The following MYT1L variants were observed in gnomAD, a reference collection of about 807,000 sequenced individuals.
MYT1L encodes the protein myelin transcription factor 1 like.
Under a neutral mutation model 126.7 loss-of-function variants are expected in MYT1L, and 12 were observed. The observed-to-expected ratio is 0.09, with a 90% confidence interval of 0.06 to 0.15. The LOEUF (loss-of-function observed/expected upper bound fraction) is 0.15. Ranked by LOEUF, MYT1L falls within the 10% of genes least tolerant of loss-of-function variation. The pLI, the probability that MYT1L is intolerant of heterozygous loss-of-function variation, is 1.00. For missense variants in MYT1L, 979 were observed against 1,585.2 expected (o/e 0.62, Z 6.49); for synonymous variants, 541 against 604.2 (o/e 0.90, Z 1.53).
At chr2:1,999,248 G>T (rs2062144299) in intron 4 of MYT1L, among the ~76,000 whole-genome samples, 1 of 152,166 alleles carries the variant, frequency 6.6e-6, no homozygotes, top group Non-Finnish European at 1.5e-5. Context: ...TTCTAAATGT[G>T]ATGATCTAGA....
At chr2:1,886,401 A>T (rs4853824) in intron 18 of MYT1L, 138 bp downstream of exon 18, 1 of 531,828 alleles carries the variant, frequency 1.9e-6, no homozygotes, top group African/African-American at 2.0e-5. Context: ...ATTCAATCCC[A>T]TGTCTACATC....
chr2:1,875,631 C>A (rs1479827861), intron 18 of MYT1L, among the ~76,000 whole-genome samples: 1 of 152,202 alleles, frequency 6.6e-6, no homozygotes, highest in Admixed American at 6.5e-5. Flanking sequence ...TCCCCAAGCA[C>A]TGGGCCAGGA....
chr2:1,868,665 C>T (rs1275709500), intron 18 of MYT1L, among the ~76,000 whole-genome samples: 1 of 152,230 alleles, frequency 6.6e-6, no homozygotes, highest in Non-Finnish European at 1.5e-5. Context: ...GCTGCCTTCT[C>T]TGTGCCCCCC....
intron 2 of MYT1L, among the ~76,000 whole-genome samples, chr2:2,185,446 C>T (rs2092012100): frequency 1.3e-5 from 2 of 151,942 alleles, no homozygotes; most frequent in African/African-American, 2.4e-5. Context: ...GGGACGCAGC[C>T]GGGCCTCCTC....
intron 4 of MYT1L, among the ~76,000 whole-genome samples, chr2:2,017,876 A>G (rs4853811): frequency 0.052 from 7,921 of 152,166 alleles, 213 homozygotes; most frequent in East Asian, 0.078. Context: ...AAAATTTTGG[A>G]CCTTTAAGGA....
chr2:1,803,077 C>T (rs1461578062), intron 22 of MYT1L, among the ~76,000 whole-genome samples: 6 of 151,994 alleles, frequency 3.9e-5, no homozygotes, highest in South Asian at 2.1e-4. Flanking sequence ...TCTACCAAGA[C>T]GTTAGAAAGA....
intron 13 of MYT1L, among the ~76,000 whole-genome samples, chr2:1,909,634 C>T (rs2149010121): frequency 6.6e-6 from 1 of 152,322 alleles, no homozygotes; most frequent in Admixed American, 6.5e-5. Context: ...TGATCTGCGA[C>T]ATTGTAACAC....
At chr2:2,008,789 T>C (rs191624643) in intron 4 of MYT1L, among the ~76,000 whole-genome samples, 1 of 152,302 alleles carries the variant, frequency 6.6e-6, no homozygotes, top group African/African-American at 2.4e-5. Flanking sequence ...CAACATTTTC[T>C]TCTTGGAGTT....
At chr2:1,999,188 A>G (rs1297394243) in intron 4 of MYT1L, among the ~76,000 whole-genome samples, 2 of 152,224 alleles carry the variant, frequency 1.3e-5, no homozygotes, top group African/African-American at 4.8e-5. Context: ...AGGCAGTGAT[A>G]TTAATATCAC....
At chr2:1,983,053 CAGAT>C (rs2060727610) in intron 5 of MYT1L, among the ~76,000 whole-genome samples, 1 of 151,944 alleles carries the variant, frequency 6.6e-6, no homozygotes, top group African/African-American at 2.4e-5. Context: ...TTTTTCCAGT[CAGAT>C]AGCTAATTCT....
chr2:2,062,752 C>T (rs952783562), intron 3 of MYT1L, among the ~76,000 whole-genome samples: 15 of 151,388 alleles, frequency 9.9e-5, no homozygotes, highest in African/African-American at 3.6e-4. Context: ...GTTTCTCCCT[C>T]GTCTTCTTAC....
chr2:1,925,652 C>T (rs1472241508), intron 9 of MYT1L, among the ~76,000 whole-genome samples: 1 of 152,134 alleles, frequency 6.6e-6, no homozygotes, highest in Non-Finnish European at 1.5e-5. Flanking sequence ...GGAGAAAGTC[C>T]CTGAACCGTC....
At chr2:2,105,788 C>A (rs749031156) in intron 3 of MYT1L, among the ~76,000 whole-genome samples, 4 of 152,160 alleles carry the variant, frequency 2.6e-5, no homozygotes, top group Non-Finnish European at 5.9e-5. Flanking sequence ...CTTGCCAGAT[C>A]TGAGTGCCTG....
chr2:2,205,565 G>A (rs563124357), intron 2 of MYT1L, among the ~76,000 whole-genome samples: 23 of 152,284 alleles, frequency 1.5e-4, no homozygotes, highest in South Asian at 1.5e-3. Flanking sequence ...AGATTCCCAT[G>A]CCCTTTTCTT....
rs796540174 is a variant in MYT1L at position 1,801,504 on chromosome 2, G to A, written c.3276+192C>T. The A allele has an allele frequency of 3.9e-5, 19 of 493,280 alleles. No homozygotes were observed. The highest frequency in any genetic ancestry group is 1.2e-4 in the Admixed American group (3 of 25,404). 30.6% of individuals were successfully genotyped at this position (493,280 alleles called of 1,614,324 possible). A position where few individuals can be genotyped will look rare whatever the true frequency, so the allele number is the denominator to read the frequency against. On this transcript the variant is annotated intron_variant, in intron 23 of 24. Coordinates refer to ENST00000647738, the MANE Select transcript of MYT1L (RefSeq NM_001303052.2). This position sits in a 1 kb window ranked among gnomAD's most constrained non-coding sequence, Gnocchi z 4.2. Reference sequence around the variant, plus strand: ...TGCAGACTGAAAACGAGAGAACCACGGCCCCTGCTACAGCGAACACTGCCA... The same window carrying A: ...TGCAGACTGAAAACGAGAGAACCACAGCCCCTGCTACAGCGAACACTGCCA...
chr2:1,908,862 A>G (rs1244984218), intron 13 of MYT1L, among the ~76,000 whole-genome samples: 2 of 152,196 alleles, frequency 1.3e-5, no homozygotes, highest in Non-Finnish European at 2.9e-5. Flanking sequence ...AAAACTCTAG[A>G]TGTAGCTGTG....
chr2:2,329,606 GA>G (rs2096272732), intron 1 of MYT1L, among the ~76,000 whole-genome samples: 1 of 152,006 alleles, frequency 6.6e-6, no homozygotes, highest in Admixed American at 6.5e-5. Context: ...AAAATATAAA[GA>G]AATATGGCTG....
rs2056931682 is a variant in MYT1L at position 1,943,842 on chromosome 2, T to G, written c.153-508A>C. Among the ~76,000 whole-genome samples the G allele has an allele frequency of 6.6e-6, 1 of 152,192 alleles. No individual in the cohort carries two copies. The highest frequency in any genetic ancestry group is 1.5e-5 in the Non-Finnish European group (1 of 68,040). ...GATTTGTATATTTTATGGATTAAAT[T>G]ATATCTTTAGACTTGATAACCTCCT... is the stretch of plus-strand genomic sequence containing the variant. On this transcript the variant is annotated intron_variant, in intron 8 of 24. Coordinates refer to ENST00000647738, the MANE Select transcript of MYT1L (RefSeq NM_001303052.2). The surrounding 1 kb of genome is among the most constrained non-coding windows in gnomAD (Gnocchi z 4.4).
rs893751969 is a variant in MYT1L, at chr2:1,846,637, C to T, written c.2774+5004G>A. On this transcript the variant is annotated intron_variant, in intron 19 of 24. Transcript: ENST00000647738. ...ACATGTGGTCAAGGGCAGTGTACCT[C>T]GTGGCCCCCAGGCCAAAGTGGTGCT... Among the ~76,000 whole-genome samples, 4 of 152,118 alleles carry T rather than the reference C, an allele frequency of 2.6e-5. No homozygotes were observed. The South Asian group carries it at 8.3e-4, about 32-fold the overall frequency.
Sources: allele counts gnomAD v4.1 joint callset (sites outside exome capture counted in the v4.1 genomes callset), GRCh38; gene constraint gnomAD v4.1.1; non-coding constraint Gnocchi (gnomAD v3.1); transcripts MANE v1.5; gene names NCBI Gene and HGNC (gene_info 2026-07-23, HGNC 2026-07-21).